ZSWIM5: variants seen among roughly 807,000 people sequenced by gnomAD.
ZSWIM5 encodes the protein zinc finger SWIM-type containing 5, also known as zinc finger SWIM domain-containing protein 5.
A neutral mutation model predicts 119.6 loss-of-function variants in ZSWIM5; 55 were observed. The observed-to-expected ratio is 0.46, with a 90% CI of 0.37 to 0.58. The LOEUF (loss-of-function observed/expected upper bound fraction) is 0.58, where lower values mean the gene tolerates loss of function less well. Ranked by LOEUF, ZSWIM5 falls within the 20% of genes least tolerant of loss-of-function variation. The probability of loss-of-function intolerance (pLI) is 0.00; values close to 1 mark genes in which losing one functional copy is unlikely to be tolerated. For synonymous variants in ZSWIM5, 537 were observed against 606.9 expected (o/e 0.88, Z 1.69); for missense variants, 1,193 against 1,512.8 (o/e 0.79, Z 3.51).
intron 1 of ZSWIM5, among the ~76,000 whole-genome samples, chr1:45,105,895 C>T (rs1248373135): frequency 1.4e-5 from 2 of 142,080 alleles, no homozygotes; most frequent in African/African-American, 5.4e-5. Context: ...GCACCTCTGC[C>T]CGGCCGCCCC....
At chr1:45,140,744 T>C (rs1482150689) in intron 1 of ZSWIM5, among the ~76,000 whole-genome samples, 1 of 152,188 alleles carries the variant, frequency 6.6e-6, no homozygotes, top group Admixed American at 6.5e-5. Context: ...ATGGATAAGA[T>C]GGAGTAAGCA....
Position 45,149,040 on chromosome 1 carries a change from G to A in ZSWIM5, c.595+56716C>T, listed in dbSNP as rs931946664. Among the ~76,000 whole-genome samples the A allele has an allele frequency of 3.3e-5, 5 of 152,122 alleles. No homozygotes were observed. In the South Asian group the frequency reaches 6.2e-4, roughly 19 times the overall value. Reference sequence around the variant, plus strand: ...GCCCAGCACTTTAGAAAGCCAAGACGCAAGGACTTCTTGAGGCCAGGAGTT... The same window carrying A: ...GCCCAGCACTTTAGAAAGCCAAGACACAAGGACTTCTTGAGGCCAGGAGTT... On this transcript the variant is annotated intron_variant, in intron 1 of 13. Coordinates refer to ENST00000359600, the MANE Select transcript of ZSWIM5 (RefSeq NM_020883.2).
At chr1:45,193,737 A>G (rs1460614957) in intron 1 of ZSWIM5, among the ~76,000 whole-genome samples, 1 of 152,154 alleles carries the variant, frequency 6.6e-6, no homozygotes, top group African/African-American at 2.4e-5. Context: ...CTGTAATAAT[A>G]ATAGTGAATA....
At chr1:45,201,442 T>A (rs1210643133) in intron 1 of ZSWIM5, among the ~76,000 whole-genome samples, 1 of 152,216 alleles carries the variant, frequency 6.6e-6, no homozygotes, top group East Asian at 1.9e-4. Context: ...TAAACTTGAC[T>A]TTTTTGGTGT....
rs1014884925 is a variant in ZSWIM5 at position 45,057,417 on chromosome 1, C to T, written c.1252+1192G>A. On this transcript the variant is annotated intron_variant, in intron 4 of 13. Transcript: ENST00000359600. This position sits in a 1 kb window ranked among gnomAD's most constrained non-coding sequence, Gnocchi z 4.7. ...GTTTCAAAAGCACCAGGAGCCATCTCTACTTACTTCCTCCCAACTACCTTT... is the reference window on the plus strand; with the variant it reads ...GTTTCAAAAGCACCAGGAGCCATCTTTACTTACTTCCTCCCAACTACCTTT... Among the ~76,000 whole-genome samples the T allele has an allele frequency of 6.6e-5, 10 of 152,230 alleles. No individual in the cohort carries two copies. The highest frequency in any genetic ancestry group is 2.4e-4 in the African/African-American group (10 of 41,474).
In ZSWIM5 at chr1:45,206,115, T is replaced by G. The variant is rs895720573; in HGVS notation, c.236A>C (p.Tyr79Ser). 9 of 1,611,410 alleles carry G rather than the reference T, an allele frequency of 5.6e-6. No individual in the cohort carries two copies. The African/African-American group carries it at 1.2e-4, about 22-fold the overall frequency. Residue 79 changes from tyrosine to serine, a missense_variant, in exon 1 of 14, where the codon TAC becomes TCC. Physicochemically the swap from Tyr to Ser is moderately radical, Grantham distance 144. This residue lies in a region of ZSWIM5 where 232 missense variants were observed against 222.9 expected (regional missense o/e 1.04). Coordinates refer to ENST00000359600, the MANE Select transcript of ZSWIM5 (RefSeq NM_020883.2). ...AAKTVAEKWA[Y>S]ERVEERFERI... ...CTCGAAGCGCTCCTCCACCCGTTCG[T>G]ATGCCCACTTTTCCGCCACCGTCTT...
In ZSWIM5 at chr1:45,206,408, C is replaced by T; in HGVS notation, c.-58G>A. The T allele has an allele frequency of 1.2e-5, 16 of 1,318,966 alleles. No homozygotes were observed. The highest frequency in any genetic ancestry group is 1.5e-5 in the Non-Finnish European group (16 of 1,036,988). The allele number at this position is 1,318,966 out of a possible 1,614,324, so 81.7% of individuals were successfully genotyped here. On this transcript the variant is annotated 5_prime_UTR_variant, in exon 1 of 14. Coordinates refer to ENST00000359600, the MANE Select transcript of ZSWIM5 (RefSeq NM_020883.2). Reference sequence around the variant, plus strand: ...GCGGCTGCTCGGGCTGCGGCGGAGACCCTGGCCACGGCCACGCGCCCCGCG... The same window carrying T: ...GCGGCTGCTCGGGCTGCGGCGGAGATCCTGGCCACGGCCACGCGCCCCGCG...
intron 1 of ZSWIM5, among the ~76,000 whole-genome samples, chr1:45,105,674 C>T (rs1370586526): frequency 2.0e-5 from 3 of 149,780 alleles, no homozygotes; most frequent in Non-Finnish European, 4.4e-5. Context: ...TGCCCAGCTG[C>T]CCCGAATGGG....
intron 1 of ZSWIM5, among the ~76,000 whole-genome samples, chr1:45,175,932 C>T (rs1012888403): frequency 7.9e-5 from 12 of 151,754 alleles, no homozygotes; most frequent in Non-Finnish European, 1.8e-4. Context: ...TCTTTAAGAA[C>T]CTCCCTGCTT....
chr1:45,017,445 A>G lies in ZSWIM5; in HGVS notation c.*1009T>C, dbSNP rs923214979. On this transcript the variant is annotated 3_prime_UTR_variant, in exon 14 of 14. Coordinates refer to ENST00000359600, the MANE Select transcript of ZSWIM5 (RefSeq NM_020883.2). Reference sequence around the variant, plus strand: ...AAAATGTGTATATCCTCACGTAGAAACTCACAGTCCAGTGTGCACATATTC... The same window carrying G: ...AAAATGTGTATATCCTCACGTAGAAGCTCACAGTCCAGTGTGCACATATTC... The G allele has an allele frequency of 2.6e-5, 4 of 152,332 alleles. No homozygotes were observed. The highest frequency in any genetic ancestry group is 2.1e-4 in the South Asian group (1 of 4,830). 9.4% of individuals were successfully genotyped at this position (152,332 alleles called of 1,614,324 possible).
intron 2 of ZSWIM5, among the ~76,000 whole-genome samples, chr1:45,067,154 G>A (rs1388765433): frequency 6.6e-6 from 1 of 152,044 alleles, no homozygotes; most frequent in Non-Finnish European, 1.5e-5. Context: ...ATACATGTGT[G>A]AGGTTGGGCA....
intron 1 of ZSWIM5, among the ~76,000 whole-genome samples, chr1:45,124,092 C>G (rs962421151): frequency 6.6e-6 from 1 of 151,876 alleles, no homozygotes; most frequent in Non-Finnish European, 1.5e-5. Context: ...GCTGTCTACC[C>G]TAAAACAGTA....
rs1432240789 is a variant in ZSWIM5 at position 45,090,409 on chromosome 1, A to G, written c.596-2172T>C. 3.2e-4 allele frequency among the ~76,000 whole-genome samples: 48 copies of G among 152,190 alleles called. 1 individual carries two copies. The highest frequency in any genetic ancestry group is 1.5e-5 in the Non-Finnish European group (1 of 68,038). ...AGCAAAATCAAAAAGTTACATTCAA[A>G]TTAATTATAGGTAAAGATTAATTAC... is the stretch of plus-strand genomic sequence containing the variant. On this transcript the variant is annotated intron_variant, in intron 1 of 13. Transcript: ENST00000359600.
rs181699770 is a variant in ZSWIM5, at chr1:45,130,383, C to T, written c.596-42146G>A. On this transcript the variant is annotated intron_variant, in intron 1 of 13. Coordinates refer to ENST00000359600, the MANE Select transcript of ZSWIM5 (RefSeq NM_020883.2). ...CACTTAAAACACACACACACACACACACACACACACAAAACCCAAAAACCA... is the reference window on the plus strand; with the variant it reads ...CACTTAAAACACACACACACACACATACACACACACAAAACCCAAAAACCA... Among the ~76,000 whole-genome samples the T allele has an allele frequency of 6.8e-3, 1,037 of 152,082 alleles. 22 individuals carry two copies. Among genetic ancestry groups the T allele is most frequent in the African/African-American group, 0.024 (1,004 of 41,512 alleles).
chr1:45,190,547 G>A (rs1400248198), intron 1 of ZSWIM5, among the ~76,000 whole-genome samples: 1 of 152,200 alleles, frequency 6.6e-6, no homozygotes, highest in African/African-American at 2.4e-5. Context: ...CTTATAGGGT[G>A]AATTTACTCT....
chr1:45,100,123 T>C lies in ZSWIM5; in HGVS notation c.596-11886A>G, dbSNP rs1645429655. Among the ~76,000 whole-genome samples the C allele has an allele frequency of 2.0e-5, 3 of 152,214 alleles. No individual in the cohort carries two copies. The South Asian group carries it at 6.2e-4, about 32-fold the overall frequency. ...AAATCAAATTGTCCCTGTTTGCAGA[T>C]GACATGGGTGTATATTTAGAAAACT... On this transcript the variant is annotated intron_variant, in intron 1 of 13. Transcript: ENST00000359600.
chr1:45,189,704 C>T (rs536684651), intron 1 of ZSWIM5, among the ~76,000 whole-genome samples: 13 of 152,236 alleles, frequency 8.5e-5, no homozygotes, highest in African/African-American at 3.1e-4. Context: ...TGCAGTAAGC[C>T]ATGATCTTGT....
chr1:45,202,567 T>C (rs1170682605), intron 1 of ZSWIM5, among the ~76,000 whole-genome samples: 2 of 151,948 alleles, frequency 1.3e-5, no homozygotes, highest in Admixed American at 6.6e-5. Context: ...AACTATGGGG[T>C]TTTGTTGAAG....
chr1:45,127,422 A>G (rs1488562191), intron 1 of ZSWIM5, among the ~76,000 whole-genome samples: 1 of 151,964 alleles, frequency 6.6e-6, no homozygotes, highest in Admixed American at 6.6e-5. Flanking sequence ...GATAGGGAAC[A>G]AGGCAAGATT....
Sources: gnomAD v4.1 joint callset for allele counts (sites outside exome capture counted in the v4.1 genomes callset) on GRCh38, gnomAD v4.1.1 for gene constraint, gnomAD v4.1.1 regional missense constraint, Gnocchi (gnomAD v3.1) non-coding constraint, MANE v1.5 for transcripts, NCBI Gene and HGNC (gene_info 2026-07-23, HGNC 2026-07-21) for gene names.